Variants in ZNF250 observed in about 807,000 individuals in gnomAD.
ZNF250 encodes zinc finger protein (clone 647).
Under a neutral mutation model 37.1 loss-of-function variants are expected in ZNF250, and 13 were observed. The observed-to-expected ratio is 0.35, with a 90% CI of 0.23 to 0.56. The LOEUF (loss-of-function observed/expected upper bound fraction) is 0.56. Among genes scored for constraint, ZNF250 ranks in the 20% least tolerant of loss-of-function variants. The pLI, the probability that ZNF250 is intolerant of heterozygous loss-of-function variation, is 0.87. For synonymous variants in ZNF250, 251 were observed against 265.6 expected (o/e 0.94, Z 0.54); for missense variants, 474 against 697.9 (o/e 0.68, Z 3.61).
At chr8:144,894,300 G>A (rs994829549) in intron 1 of ZNF250, among the ~76,000 whole-genome samples, 6 of 152,004 alleles carry the variant, frequency 3.9e-5, no homozygotes, top group Non-Finnish European at 7.4e-5. Context: ...TCCCAGCACC[G>A]TCTGTCTGCC....
intron 4 of ZNF250, among the ~76,000 whole-genome samples, chr8:144,887,402 G>A (rs2129755843): frequency 6.6e-6 from 1 of 152,204 alleles, no homozygotes; most frequent in East Asian, 1.9e-4. Context: ...CAAGACAAAG[G>A]CATATCTACT....
chr8:144,889,267 G>A (rs1832134705), intron 4 of ZNF250, among the ~76,000 whole-genome samples: 1 of 152,214 alleles, frequency 6.6e-6, no homozygotes, highest in Non-Finnish European at 1.5e-5. Context: ...AAACCTGAAT[G>A]TCCTATTAGG....
intron 3 of ZNF250, 111 bp from the exon 4 acceptor site, chr8:144,889,805 G>C: frequency 6.9e-7 from 1 of 1,454,082 alleles, no homozygotes; most frequent in Non-Finnish European, 9.2e-7. Flanking sequence ...TTCTGCTGGA[G>C]CTGAGCACCC....
At chr8:144,888,916 A>G (rs1202444144) in intron 4 of ZNF250, among the ~76,000 whole-genome samples, 1 of 151,992 alleles carries the variant, frequency 6.6e-6, no homozygotes, top group African/African-American at 2.4e-5. Context: ...CTACAGGTGC[A>G]TGCCACCATG....
intron 3 of ZNF250, 55 bp from the exon 4 acceptor site, chr8:144,889,749 C>T (rs547477266): frequency 1.3e-6 from 2 of 1,547,496 alleles, no homozygotes; most frequent in African/African-American, 1.4e-5. Flanking sequence ...GCCCCCTCCC[C>T]CTGCCCAAGC....
upstream of ZNF250, chr8:144,901,478 G>T (rs1023130435): frequency 3.3e-5 from 5 of 152,372 alleles, no homozygotes; most frequent in African/African-American, 1.2e-4. This position sits in a 1 kb window ranked among gnomAD's most constrained non-coding sequence, Gnocchi z 5.4. Flanking sequence ...CCCCGTCTGC[G>T]CAGCCGCCAA....
In ZNF250 at chr8:144,879,908, A is replaced by C. The variant is rs1032783640; in HGVS notation, c.*1607T>G. On this transcript the variant is annotated 3_prime_UTR_variant, in exon 6 of 6. Transcript: ENST00000417550. ...TGGTGAAACCTCATCTCTACTAAAA[A>C]TACGAAAATTAGTCGGGCGTGGTAG... 3 of 152,550 alleles carry C rather than the reference A, an allele frequency of 2.0e-5. No homozygotes were observed. Among genetic ancestry groups the C allele is most frequent in the Admixed American group, 2.0e-4 (3 of 15,302 alleles). The allele number at this position is 152,550 out of a possible 1,614,324, so 9.4% of individuals were successfully genotyped here.
intron 5 of ZNF250, among the ~76,000 whole-genome samples, chr8:144,884,166 T>C (rs1017510746): frequency 6.6e-6 from 1 of 152,240 alleles, no homozygotes; most frequent in East Asian, 1.9e-4. Context: ...ATCCATCATG[T>C]TGTTGTACAG....
At position 144,891,418 on chromosome 8, in the gene ZNF250, A is replaced by G. The variant is rs1206164859; in HGVS notation, c.-54-1015T>C. Among the ~76,000 whole-genome samples, 6 of 152,194 alleles carry G rather than the reference A, an allele frequency of 3.9e-5. No homozygotes were observed. Among genetic ancestry groups the G allele is most frequent in the Non-Finnish European group, 8.8e-5 (6 of 68,034 alleles). On this transcript the variant is annotated intron_variant, in intron 1 of 5. Transcript: ENST00000417550. The surrounding 1 kb of genome is among the most constrained non-coding windows in gnomAD (Gnocchi z 4.0). ...AAGGGACATCATAATCTCAGTGTCTATAAAACATCAGATATAGGTGGGCGC... is the reference window on the plus strand; with the variant it reads ...AAGGGACATCATAATCTCAGTGTCTGTAAAACATCAGATATAGGTGGGCGC...
In ZNF250 at chr8:144,881,495, ATTC is replaced by A; in HGVS notation, c.*17_*19del. 6.4e-7 allele frequency: 1 copy of A among 1,557,278 alleles called. No homozygotes were observed. Among genetic ancestry groups the A allele is most frequent in the Non-Finnish European group, 8.7e-7 (1 of 1,148,738 alleles). On this transcript the variant is annotated 3_prime_UTR_variant, in exon 6 of 6. Coordinates refer to ENST00000417550, the MANE Select transcript of ZNF250 (RefSeq NM_001109689.4). ...CCACATGCAGTTTCTGTGAGAATGG[ATTC>A]TTGTGTCAGCCATGGGTCACAACTT...
In ZNF250 at chr8:144,882,570, G is replaced by A. The variant is rs781764224; in HGVS notation, c.613C>T (p.Arg205Trp). 1.2e-6 allele frequency: 2 copies of A among 1,614,030 alleles called. No individual in the cohort carries two copies. The highest frequency in any genetic ancestry group is 1.7e-6 in the Non-Finnish European group (2 of 1,180,008). The change falls in exon 6 of 6, where the codon CGG (arginine) becomes TGG (tryptophan). Residue 205 changes from arginine (R) to tryptophan (W), a missense_variant. Physicochemically the swap from Arg to Trp is moderately radical, Grantham distance 101. Coordinates refer to ENST00000417550, the MANE Select transcript of ZNF250 (RefSeq NM_001109689.4). This position sits in a 1 kb window ranked among gnomAD's most constrained non-coding sequence, Gnocchi z 5.5. ...MCVECGKCFG[R>W]SSHLLQHQRI... ...TGATGCTGAAGGAGGTGGGAACTCC[G>A]GCCAAAGCACTTCCCACACTCAACA...
Position 144,897,841 on chromosome 8 carries a change from G to C in ZNF250, c.-55+3558C>G, listed in dbSNP as rs1832821788. On this transcript the variant is annotated intron_variant, in intron 1 of 5. Transcript: ENST00000417550. The surrounding 1 kb of genome is among the most constrained non-coding windows in gnomAD (Gnocchi z 5.2). ...AGGTTGGGCTAGTTAACTGTAGCAG[G>C]AGCATGTCCTTAAGGCACAGATCGC... 6.6e-6 allele frequency among the ~76,000 whole-genome samples: 1 copy of C among 152,236 alleles called. No homozygotes were observed. The highest frequency in any genetic ancestry group is 6.5e-5 in the Admixed American group (1 of 15,282).
chr8:144,898,909 T>A (rs534500185), intron 1 of ZNF250, among the ~76,000 whole-genome samples: 2 of 152,300 alleles, frequency 1.3e-5, no homozygotes, highest in East Asian at 3.9e-4. Context: ...GAAGTCAGTA[T>A]ATCAAAAAGA....
intron 1 of ZNF250, among the ~76,000 whole-genome samples, chr8:144,892,862 A>AT (rs34744587): frequency 0.4 from 53,529 of 134,986 alleles, 10,801 homozygotes; most frequent in East Asian, 0.46. Flanking sequence ...CCAGCCACCA[A>AT]TTTTTTTTTT....
At chr8:144,889,878 C>T in intron 3 of ZNF250, 55 bp downstream of exon 3, 1 of 1,547,952 alleles carries the variant, frequency 6.5e-7, no homozygotes. Flanking sequence ...CCTGAGAAGC[C>T]CCCACCCCAG....
In ZNF250 at chr8:144,884,802, T is replaced by A. The variant is rs78297828; in HGVS notation, c.347-1966A>T. Among the ~76,000 whole-genome samples, 157 of 152,294 alleles carry A rather than the reference T, an allele frequency of 1.0e-3. 1 individual carries two copies. Among genetic ancestry groups the A allele is most frequent in the African/African-American group, 3.6e-3 (151 of 41,570 alleles). ...TCCAAAGTGGCTATGTGAATTTACA[T>A]CCCTATTAGCTGCCCTGCATCCTCA... On this transcript the variant is annotated intron_variant, in intron 5 of 5. Transcript: ENST00000417550.
At position 144,890,262 on chromosome 8, in the gene ZNF250, C is replaced by T; in HGVS notation, c.42+46G>A. ...GCTCTACGGGGCACGGAAGGAACCACAGGGCTCGGGCTGGGGGCACTGCAT... is the reference window on the plus strand; with the variant it reads ...GCTCTACGGGGCACGGAAGGAACCATAGGGCTCGGGCTGGGGGCACTGCAT... On this transcript the variant is annotated intron_variant, in intron 2 of 5. Transcript: ENST00000417550. This position sits in a 1 kb window ranked among gnomAD's most constrained non-coding sequence, Gnocchi z 5.1. The T allele has an allele frequency of 1.3e-6, 2 of 1,549,160 alleles. No homozygotes were observed. The highest frequency in any genetic ancestry group is 1.8e-6 in the Non-Finnish European group (2 of 1,139,100).
At position 144,882,926 on chromosome 8, in the gene ZNF250, G is replaced by A; in HGVS notation, c.347-90C>T. ...TGAAACTGGCCTTGCTGATGAAGGT[G>A]CAAAATCCCTCAATGCACACGTTGG... On this transcript the variant is annotated intron_variant, in intron 5 of 5. Transcript: ENST00000417550. This position sits in a 1 kb window ranked among gnomAD's most constrained non-coding sequence, Gnocchi z 5.5. 6.9e-7 allele frequency: 1 copy of A among 1,452,594 alleles called. No homozygotes were observed. Among genetic ancestry groups the A allele is most frequent in the African/African-American group, 1.4e-5 (1 of 70,564 alleles). The allele number at this position is 1,452,594 out of a possible 1,614,324, so 90.0% of individuals were successfully genotyped here.
intron 1 of ZNF250, among the ~76,000 whole-genome samples, chr8:144,892,538 T>A (rs1039077005): frequency 6.6e-6 from 1 of 151,946 alleles, no homozygotes; most frequent in Non-Finnish European, 1.5e-5. Context: ...ATGGGATACA[T>A]CAATAACCAA....
Sources: allele counts gnomAD v4.1 joint callset (sites outside exome capture counted in the v4.1 genomes callset), GRCh38; gene constraint gnomAD v4.1.1; non-coding constraint Gnocchi (gnomAD v3.1); transcripts MANE v1.5; gene names NCBI Gene and HGNC (gene_info 2026-07-23, HGNC 2026-07-21).